The following CEP85L variants were observed in gnomAD, a reference collection of about 807,000 sequenced individuals.
CEP85L encodes the protein centrosomal protein of 85 kDa-like.
A neutral mutation model predicts 100.3 loss-of-function variants in CEP85L; 60 were observed. That is an observed-to-expected ratio of 0.60 (90% CI 0.49 to 0.74). CEP85L has a LOEUF of 0.74. Ranked by LOEUF, CEP85L falls within the 30% of genes least tolerant of loss-of-function variation. The pLI is 0.00. For missense variants in CEP85L, 973 were observed against 936.2 expected (o/e 1.04, Z -0.51); for synonymous variants, 319 against 322.7 (o/e 0.99, Z 0.12).
rs776215854 is a variant in CEP85L at position 118,566,050 on chromosome 6, T to G, written c.499A>C (p.Asn167His). 2.0e-5 allele frequency: 33 copies of G among 1,614,096 alleles called. No individual in the cohort carries two copies. The highest frequency in any genetic ancestry group is 2.6e-5 in the Non-Finnish European group (31 of 1,180,046). ...CATACAGTGCCACCCTGGCCACAGTTATCCGGGGCAGTGAGTTTGGATAAA... is the reference window on the plus strand; with the variant it reads ...CATACAGTGCCACCCTGGCCACAGTGATCCGGGGCAGTGAGTTTGGATAAA... ...SSLSKLTAPD[N>H]CGQGGTVCRE... Residue 167 changes from asparagine to histidine, a missense_variant, in exon 3 of 13, where the codon AAC (asparagine) becomes CAC (histidine). Physicochemically the swap from Asn to His is moderately conservative, Grantham distance 68 (BLOSUM62 1). Coordinates refer to ENST00000368491, the MANE Select transcript of CEP85L (RefSeq NM_001042475.3).
chr6:118,672,788 A>G (rs1285234445), intron 1 of CEP85L, among the ~76,000 whole-genome samples: 3 of 125,470 alleles, frequency 2.4e-5, no homozygotes, highest in Non-Finnish European at 5.9e-5. Flanking sequence ...AAGAAAGAAG[A>G]AGGAGGAGGA....
chr6:118,610,711 A>C (rs1423690760), intron 2 of CEP85L, among the ~76,000 whole-genome samples: 3 of 152,188 alleles, frequency 2.0e-5, no homozygotes, highest in Non-Finnish European at 4.4e-5. Flanking sequence ...ACCGAAAGGC[A>C]CATGATAATT....
intron 2 of CEP85L, among the ~76,000 whole-genome samples, chr6:118,568,497 G>A (rs1256979235): frequency 2.0e-5 from 3 of 152,194 alleles, no homozygotes; most frequent in Non-Finnish European, 4.4e-5. Context: ...AAAGTGCCAA[G>A]AAAAGTTGTC....
chr6:118,506,498 A>C (rs1228632648), intron 5 of CEP85L, among the ~76,000 whole-genome samples: 1 of 152,184 alleles, frequency 6.6e-6, no homozygotes, highest in Non-Finnish European at 1.5e-5. Context: ...TTCTTATGTA[A>C]GTTGGAAAAA....
At chr6:118,513,458 A>G (rs925535533) in intron 4 of CEP85L, among the ~76,000 whole-genome samples, 1 of 152,166 alleles carries the variant, frequency 6.6e-6, no homozygotes, top group Non-Finnish European at 1.5e-5. Flanking sequence ...AACCAGAGGG[A>G]AAAAAGATAA....
chr6:118,511,468 G>C (rs1775966569), intron 4 of CEP85L, 53 bp from the exon 5 acceptor site: 1 of 1,173,876 alleles, frequency 8.5e-7, no homozygotes, highest in Non-Finnish European at 1.3e-6. Flanking sequence ...CTAATAGTTA[G>C]AAGAACCTTA....
intron 2 of CEP85L, among the ~76,000 whole-genome samples, chr6:118,594,441 A>G (rs1409445358): frequency 6.6e-6 from 1 of 152,264 alleles, no homozygotes; most frequent in East Asian, 1.9e-4. Context: ...GGTTAATTAG[A>G]TAAGAAAATT....
At chr6:118,600,300 G>GGGTGTGTGTGTGTGTGTGTGTGTGTGT (rs1562297733) in intron 2 of CEP85L, among the ~76,000 whole-genome samples, 2 of 52,236 alleles carry the variant, frequency 3.8e-5, no homozygotes, top group Non-Finnish European at 8.1e-5. Flanking sequence ...CCTTCCTGGG[G>GGGTGTGTGTGTGTGTGTGTGTGTGTGT]GTGTGTGTGT....
Position 118,483,686 on chromosome 6 carries a change from A to C in CEP85L, c.1590+20T>G. 6.3e-7 allele frequency: 1 copy of C among 1,591,660 alleles called. No individual in the cohort carries two copies. The highest frequency in any genetic ancestry group is 8.5e-7 in the Non-Finnish European group (1 of 1,171,794). ...CATGTTTTCATGTCATTTAAAGATA[A>C]GCATTTTATTTCATGTTACCTGTAG... On this transcript the variant is annotated intron_variant, in intron 7 of 12. Coordinates refer to ENST00000368491, the MANE Select transcript of CEP85L (RefSeq NM_001042475.3).
chr6:118,538,021 C>A, intron 3 of CEP85L: 1 of 635,516 alleles, frequency 1.6e-6, no homozygotes, highest in Non-Finnish European at 2.0e-6. Context: ...TTTAAAGAAT[C>A]TTTATTCACC....
chr6:118,616,694 C>A (rs1247231248), intron 2 of CEP85L, among the ~76,000 whole-genome samples: 1 of 150,548 alleles, frequency 6.6e-6, no homozygotes, highest in Non-Finnish European at 1.5e-5. Context: ...TGCCTGTAAT[C>A]CCAGCACTTT....
At chr6:118,689,525 G>GT (rs781659239) in intron 1 of CEP85L, among the ~76,000 whole-genome samples, 2 of 152,110 alleles carry the variant, frequency 1.3e-5, no homozygotes, top group Non-Finnish European at 2.9e-5. Context: ...AATTTAAGGA[G>GT]TTTTTTGCTT....
intron 1 of CEP85L, among the ~76,000 whole-genome samples, chr6:118,645,711 A>G (rs1174458425): frequency 6.6e-6 from 1 of 152,112 alleles, no homozygotes; most frequent in Admixed American, 6.6e-5. Flanking sequence ...AAACCTAAAA[A>G]ATGTTTTTAA....
intron 4 of CEP85L, among the ~76,000 whole-genome samples, chr6:118,520,062 A>C (rs1276336685): frequency 6.6e-6 from 1 of 152,206 alleles, no homozygotes; most frequent in Non-Finnish European, 1.5e-5. Context: ...CAATCTAAAA[A>C]AGGCAACTAC....
intron 10 of CEP85L, among the ~76,000 whole-genome samples, chr6:118,476,601 T>C (rs1773400025): frequency 2.0e-5 from 3 of 152,190 alleles, no homozygotes; most frequent in Non-Finnish European, 4.4e-5. Flanking sequence ...CTATTTCTAC[T>C]GAGGAAAACT....
rs775221215 is a variant in CEP85L at position 118,470,618 on chromosome 6, C to T, written c.1941G>A (p.Glu647=). 1 of 1,603,208 alleles carries T rather than the reference C, an allele frequency of 6.2e-7. No homozygotes were observed. The highest frequency in any genetic ancestry group is 8.5e-7 in the Non-Finnish European group (1 of 1,174,658). Residue 647 remains glutamate, a synonymous_variant, in exon 11 of 13, where the codon GAG becomes GAA. Coordinates refer to ENST00000368491, the MANE Select transcript of CEP85L (RefSeq NM_001042475.3). ...IQSMQGKLSK[E]KLTTQKMMEE... ...CCATCATCTTTTGAGTGGTCAGTTT[C>T]TCTTTAGAAAGCTTTCCTTGCATAG...
chr6:118,703,196 TTTTA>T (rs1183774219), intron 1 of CEP85L, among the ~76,000 whole-genome samples: 6 of 152,108 alleles, frequency 3.9e-5, no homozygotes, highest in East Asian at 1.9e-4. Flanking sequence ...TCTTTCTTTA[TTTTA>T]TTTATTTGTT....
At chr6:118,708,183 C>A (rs952352778) in intron 1 of CEP85L, among the ~76,000 whole-genome samples, 3 of 152,206 alleles carry the variant, frequency 2.0e-5, no homozygotes, top group Non-Finnish European at 4.4e-5. Context: ...CATCACTTCA[C>A]AGATGAACAA....
rs188801082 is a variant in CEP85L at position 118,647,129 on chromosome 6, A to G, written c.73+4068T>C. The G allele has an allele frequency of 1.8e-5, 16 of 906,230 alleles. No individual in the cohort carries two copies. In the Admixed American group the frequency reaches 9.3e-4, roughly 53 times the overall value. The allele number at this position is 906,230 out of a possible 1,614,324, so 56.1% of individuals were successfully genotyped here. On this transcript the variant is annotated intron_variant, in intron 1 of 12. Transcript: ENST00000368491. The stretch of plus-strand genomic sequence containing the variant: ...TTCCTAGAAGTCCATCTAATTCAGA[A>G]CCACAGCAGAAAACAATATTATTAG...
Sources: allele counts gnomAD v4.1 joint callset (sites outside exome capture counted in the v4.1 genomes callset), GRCh38; gene constraint gnomAD v4.1.1; transcripts MANE v1.5; gene names NCBI Gene and HGNC (gene_info 2026-07-23, HGNC 2026-07-21).